The following CTNNA2 variants were observed in gnomAD, a reference collection of about 807,000 sequenced individuals.
The protein encoded by CTNNA2 is catenin alpha 2.
A neutral mutation model predicts 101.0 loss-of-function variants in CTNNA2; 42 were observed. The observed-to-expected ratio is 0.42, with a 90% CI of 0.32 to 0.54. The LOEUF is 0.54. Ranked by LOEUF, CTNNA2 falls within the 20% of genes least tolerant of loss-of-function variation. The probability of loss-of-function intolerance (pLI) is 0.14; values close to 1 mark genes in which losing one functional copy is unlikely to be tolerated. For synonymous variants in CTNNA2, 450 were observed against 456.4 expected, an observed-to-expected ratio of 0.99 and a Z score of 0.18; for missense variants, 871 against 1,223.1, an observed-to-expected ratio of 0.71 and a Z score of 4.29.
chr2:80,379,065 G>A (rs1459931544), intron 7 of CTNNA2, among the ~76,000 whole-genome samples: 2 of 152,072 alleles, frequency 1.3e-5, no homozygotes, highest in Non-Finnish European at 2.9e-5. Context: ...AATTACAAGG[G>A]AACGGAAAGG....
chr2:80,607,961 G>A (rs1698161766), intron 16 of CTNNA2, among the ~76,000 whole-genome samples: 4 of 151,784 alleles, frequency 2.6e-5, no homozygotes, highest in Admixed American at 2.6e-4. Context: ...AAACTTTCTG[G>A]AATATCTTCA....
intron 7 of CTNNA2, among the ~76,000 whole-genome samples, chr2:80,164,877 C>T (rs1298801500): frequency 3.3e-5 from 5 of 150,116 alleles, no homozygotes; most frequent in African/African-American, 1.2e-4. Flanking sequence ...CCACTTCCTT[C>T]TGGTCTCCCT....
intron 7 of CTNNA2, among the ~76,000 whole-genome samples, chr2:80,251,650 G>T (rs1671774098): frequency 6.6e-6 from 1 of 152,150 alleles, no homozygotes; most frequent in Non-Finnish European, 1.5e-5. Context: ...ATTTGGCTCT[G>T]GCTCTCTTTG....
intron 7 of CTNNA2, among the ~76,000 whole-genome samples, chr2:80,051,901 C>T (rs914633450): frequency 6.6e-6 from 1 of 152,144 alleles, no homozygotes; most frequent in South Asian, 2.1e-4. Context: ...AAAGTACTCT[C>T]GTCATTTTCT....
chr2:80,011,448 G>A (rs427295), intron 7 of CTNNA2, among the ~76,000 whole-genome samples: 132,395 of 152,138 alleles, frequency 0.87, 57,917 homozygotes, highest in African/African-American at 0.93. Flanking sequence ...ATCCACACCC[G>A]AGTCACCACC....
Position 79,547,250 on chromosome 2 carries a change from T to G in CTNNA2, c.-6+34043T>G, listed in dbSNP as rs113526132. 2.4e-4 allele frequency: 36 copies of G among 152,338 alleles called. 2 individuals carry two copies. Among genetic ancestry groups the G allele is most frequent in the African/African-American group, 8.4e-4 (35 of 41,590 alleles). The allele number at this position is 152,338 out of a possible 1,614,324, so 9.4% of individuals were successfully genotyped here. On this transcript the variant is annotated intron_variant, in intron 1 of 18. Transcript: ENST00000402739. Reference sequence around the variant, plus strand: ...TAGTGAGTGTTTTCTCTAATATGCTTCATCTGGTACCTAATAAATTTAGAT... The same window carrying G: ...TAGTGAGTGTTTTCTCTAATATGCTGCATCTGGTACCTAATAAATTTAGAT...
chr2:79,844,832 C>T (rs142178479), intron 3 of CTNNA2, among the ~76,000 whole-genome samples: 1 of 141,738 alleles, frequency 7.1e-6, no homozygotes, highest in Middle Eastern at 3.7e-3. Flanking sequence ...TATACTCTGT[C>T]TTTTAGAAAC....
intron 3 of CTNNA2, among the ~76,000 whole-genome samples, chr2:79,746,911 T>C (rs1671688266): frequency 6.6e-6 from 1 of 152,200 alleles, no homozygotes; most frequent in African/African-American, 2.4e-5. Context: ...TGCTAATCAT[T>C]GATTTTCAAT....
Position 79,272,217 on chromosome 2 carries a change from G to C in CTNNA2, c.-405-40492G>C, listed in dbSNP as rs115657743. 2.0e-3 allele frequency among the ~76,000 whole-genome samples: 307 copies of C among 151,858 alleles called. 1 individual carries two copies. The highest frequency in any genetic ancestry group is 7.2e-3 in the African/African-American group (298 of 41,434). On this transcript the variant is annotated intron_variant, in intron 2 of 21. Transcript: ENST00000466387. ...GTGCTAAAAATACAACACATTTGGC[G>C]GCCAGGAGCAATGTATGATCTAATA...
chr2:80,215,571 A>G (rs1295217137), intron 7 of CTNNA2, among the ~76,000 whole-genome samples: 2 of 152,188 alleles, frequency 1.3e-5, no homozygotes, highest in African/African-American at 2.4e-5. Context: ...AGGCTGCAGA[A>G]CAGCAAATAT....
chr2:79,289,007 A>G (rs1477912123), intron 2 of CTNNA2, among the ~76,000 whole-genome samples: 3 of 152,212 alleles, frequency 2.0e-5, no homozygotes, highest in Non-Finnish European at 4.4e-5. Context: ...ACATGTCAAG[A>G]TACAATTTGA....
intron 3 of CTNNA2, among the ~76,000 whole-genome samples, chr2:79,752,906 G>C (rs1206407108): frequency 6.6e-6 from 1 of 152,230 alleles, no homozygotes; most frequent in African/African-American, 2.4e-5. Context: ...GTTGCATGAA[G>C]TGATGCAGAG....
intron 7 of CTNNA2, chr2:80,313,566 A>G: frequency 6.2e-7 from 1 of 1,611,172 alleles, no homozygotes; most frequent in Non-Finnish European, 8.5e-7. Flanking sequence ...GACCAGATGG[A>G]TGGATGGAGA....
intron 1 of CTNNA2, among the ~76,000 whole-genome samples, chr2:79,626,619 ATGTG>A (rs71867416): frequency 0.075 from 10,621 of 141,938 alleles, 599 homozygotes; most frequent in African/African-American, 0.15. Flanking sequence ...GTGTGTGTGT[ATGTG>A]TGTGTGTGTG....
At chr2:79,668,000 G>A (rs1421634999) in intron 2 of CTNNA2, among the ~76,000 whole-genome samples, 9 of 150,870 alleles carry the variant, frequency 6.0e-5, no homozygotes, top group African/African-American at 2.2e-4. Flanking sequence ...CAGCACTTTG[G>A]GAGGCCGAGG....
chr2:80,309,958 G>A (rs896917119), intron 7 of CTNNA2, among the ~76,000 whole-genome samples: 7 of 151,936 alleles, frequency 4.6e-5, no homozygotes, highest in Non-Finnish European at 7.4e-5. Flanking sequence ...CAAAAGTGTA[G>A]GCCTGAGACC....
chr2:79,292,713 TG>T (rs756084307), intron 2 of CTNNA2, among the ~76,000 whole-genome samples: 27 of 152,210 alleles, frequency 1.8e-4, no homozygotes, highest in Non-Finnish European at 3.5e-4. Context: ...GAATTTGGGA[TG>T]GAATTAGAGA....
chr2:79,791,372 C>A (rs181956109), intron 3 of CTNNA2, among the ~76,000 whole-genome samples: 34 of 152,274 alleles, frequency 2.2e-4, no homozygotes, highest in African/African-American at 7.5e-4. Flanking sequence ...CCTCTCCTTT[C>A]ATCCTTCCAA....
rs944827448 is a variant in CTNNA2, at chr2:80,402,126, G to A, written c.1137+8835G>A. Among the ~76,000 whole-genome samples, 6 of 152,146 alleles carry A rather than the reference G, an allele frequency of 3.9e-5. No individual in the cohort carries two copies. The South Asian group carries it at 1.2e-3, about 32-fold the overall frequency. ...TTGCCAGAGTGGCCCACAGAACTCAGGGAAACTGCACACTTTTACCTATTT... is the reference window on the plus strand; with the variant it reads ...TTGCCAGAGTGGCCCACAGAACTCAAGGAAACTGCACACTTTTACCTATTT... On this transcript the variant is annotated intron_variant, in intron 8 of 18. Coordinates refer to ENST00000402739, the MANE Select transcript of CTNNA2 (RefSeq NM_001282597.3).
Sources: allele counts gnomAD v4.1 joint callset (sites outside exome capture counted in the v4.1 genomes callset), GRCh38; gene constraint gnomAD v4.1.1; transcripts MANE v1.5; gene names NCBI Gene and HGNC (gene_info 2026-07-23, HGNC 2026-07-21).